Variants in CXCL13 observed in about 807,000 individuals in gnomAD.
The protein encoded by CXCL13 is C-X-C motif chemokine 13.
CXCL13 carries 7 observed loss-of-function variants against 12.2 expected under a neutral mutation model. The observed-to-expected ratio is 0.57, with a 90% CI of 0.33 to 1.07. The LOEUF (loss-of-function observed/expected upper bound fraction) is 1.07. Among genes scored for constraint, CXCL13 ranks in the 50% least tolerant of loss-of-function variants. The probability of loss-of-function intolerance (pLI) is 0.04; values close to 1 mark genes in which losing one functional copy is unlikely to be tolerated. For missense variants in CXCL13, 113 were observed against 127.4 expected (o/e 0.89, Z 0.55); for synonymous variants, 47 against 42.4 (o/e 1.11, Z -0.42).
intron 1 of CXCL13, among the ~76,000 whole-genome samples, chr4:77,597,924 T>C (rs1726800424): frequency 6.6e-6 from 1 of 152,322 alleles, no homozygotes; most frequent in South Asian, 2.1e-4. Context: ...AGAGAATCCC[T>C]GCCCTCTCAT....
chr4:77,532,458 T>C (rs1724951670), intron 1 of CXCL13, among the ~76,000 whole-genome samples: 1 of 152,204 alleles, frequency 6.6e-6, no homozygotes, highest in Admixed American at 6.5e-5. Context: ...ACCTGACCTT[T>C]CTCTCTGGCT....
intron 2 of CXCL13, among the ~76,000 whole-genome samples, chr4:77,608,473 T>C (rs1260735171): frequency 1.3e-5 from 2 of 151,864 alleles, no homozygotes; most frequent in African/African-American, 4.8e-5. Flanking sequence ...GAAAGTGCAT[T>C]AGCCAGGACT....
intron 1 of CXCL13, among the ~76,000 whole-genome samples, chr4:77,566,790 A>T (rs1034738987): frequency 1.3e-5 from 2 of 152,194 alleles, no homozygotes; most frequent in Non-Finnish European, 2.9e-5. Context: ...TCACTACAAA[A>T]CGTAACAACA....
chr4:77,534,999 C>T (rs1313048377), intron 1 of CXCL13, among the ~76,000 whole-genome samples: 2 of 152,158 alleles, frequency 1.3e-5, no homozygotes, highest in African/African-American at 4.8e-5. Context: ...GCTTTGCATG[C>T]TACAGCAAGA....
intron 1 of CXCL13, among the ~76,000 whole-genome samples, chr4:77,551,065 G>A (rs1334529773): frequency 1.3e-5 from 2 of 152,178 alleles, no homozygotes; most frequent in Non-Finnish European, 2.9e-5. Context: ...CTTGGGTCCT[G>A]TATTTTTATT....
chr4:77,598,811 C>A (rs1334264006), intron 1 of CXCL13, among the ~76,000 whole-genome samples: 1 of 150,212 alleles, frequency 6.7e-6, no homozygotes, highest in African/African-American at 2.5e-5. Context: ...CTAGCCCCAA[C>A]ACAATGATTT....
intron 1 of CXCL13, among the ~76,000 whole-genome samples, chr4:77,549,416 C>T (rs2109805972): frequency 1.3e-5 from 2 of 152,312 alleles, no homozygotes; most frequent in South Asian, 2.1e-4. Context: ...AGAAGAGGTG[C>T]TCTGGTTTTT....
At chr4:77,577,514 G>C (rs1264063937) in intron 1 of CXCL13, among the ~76,000 whole-genome samples, 1 of 152,142 alleles carries the variant, frequency 6.6e-6, no homozygotes, top group Non-Finnish European at 1.5e-5. Flanking sequence ...ATTAAGCCAA[G>C]CTTCCCATTT....
At chr4:77,552,860 A>T (rs1406808095) in intron 1 of CXCL13, among the ~76,000 whole-genome samples, 2 of 152,208 alleles carry the variant, frequency 1.3e-5, no homozygotes, top group Non-Finnish European at 2.9e-5. Context: ...TAATCTACGT[A>T]CAGGAAGCAT....
chr4:77,593,901 C>G (rs1343759079), intron 1 of CXCL13, among the ~76,000 whole-genome samples: 1 of 152,188 alleles, frequency 6.6e-6, no homozygotes, highest in African/African-American at 2.4e-5. Flanking sequence ...AGGGGTATTT[C>G]TAACAGCTAT....
In CXCL13 at chr4:77,605,837, C is replaced by A. The variant is rs1726989251; in HGVS notation, c.-29C>A. On this transcript the variant is annotated 5_prime_UTR_variant, in exon 1 of 4. Transcript: ENST00000682537. ...GCAAACCCACAGCCTGGACTCAGAG[C>A]TCAAGTCTGAACTCTACCTCCAGAC... is the stretch of plus-strand genomic sequence containing the variant. The A allele has an allele frequency of 1.3e-6, 2 of 1,531,872 alleles. No individual in the cohort carries two copies. Among genetic ancestry groups the A allele is most frequent in the Non-Finnish European group, 1.8e-6 (2 of 1,114,724 alleles). The allele number at this position is 1,531,872 out of a possible 1,614,324, so 94.9% of individuals were successfully genotyped here.
chr4:77,533,941 C>A (rs6856097), intron 1 of CXCL13, among the ~76,000 whole-genome samples: 5,794 of 152,280 alleles, frequency 0.038, 368 homozygotes, highest in African/African-American at 0.13. Context: ...TCACCCCTTT[C>A]TTTGATTAGG....
Position 77,531,252 on chromosome 4 carries a change from C to G in CXCL13, c.-43+19464C>G, listed in dbSNP as rs573213434. ...ACTCATCTTTTAGCATTAGGTATAT[C>G]TCCTAATGCTATCCCTCCCCCCTCC... On this transcript the variant is annotated intron_variant, in intron 1 of 4. Transcript: ENST00000286758. Among the ~76,000 whole-genome samples the G allele has an allele frequency of 2.1e-3, 304 of 148,234 alleles. 1 individual carries two copies. The highest frequency in any genetic ancestry group is 6.4e-3 in the African/African-American group (259 of 40,374).
At chr4:77,516,186 G>A (rs573475124) in intron 1 of CXCL13, among the ~76,000 whole-genome samples, 34 of 152,272 alleles carry the variant, frequency 2.2e-4, no homozygotes, top group African/African-American at 7.2e-4. Context: ...TAAGCTTTTT[G>A]ATGTGCTGCT....
chr4:77,546,573 T>G (rs1725370072), intron 1 of CXCL13, among the ~76,000 whole-genome samples: 1 of 152,332 alleles, frequency 6.6e-6, no homozygotes, highest in South Asian at 2.1e-4. Context: ...AGTTTGTATT[T>G]CTGTGGGATC....
At chr4:77,585,556 G>GT (rs1200998324) in intron 1 of CXCL13, among the ~76,000 whole-genome samples, 1 of 152,148 alleles carries the variant, frequency 6.6e-6, no homozygotes, top group Non-Finnish European at 1.5e-5. Context: ...GAAAGCTGCC[G>GT]TTAGCTCTGT....
intron 1 of CXCL13, among the ~76,000 whole-genome samples, chr4:77,522,840 C>T (rs1323952583): frequency 6.6e-6 from 1 of 152,066 alleles, no homozygotes; most frequent in Non-Finnish European, 1.5e-5. Context: ...TTTGCAGTGG[C>T]TTCTACCAGT....
chr4:77,609,450 C>A (rs1727093711), intron 2 of CXCL13, among the ~76,000 whole-genome samples: 1 of 151,734 alleles, frequency 6.6e-6, no homozygotes, highest in African/African-American at 2.4e-5. Context: ...GTAGCTGGGA[C>A]AACAGGTGCA....
At chr4:77,558,002 G>C (rs1392787132) in intron 1 of CXCL13, among the ~76,000 whole-genome samples, 5 of 152,148 alleles carry the variant, frequency 3.3e-5, no homozygotes, top group African/African-American at 1.2e-4. Flanking sequence ...CCATCTCTTT[G>C]TGTCCTTGCT....
Sources: allele counts gnomAD v4.1 joint callset (sites outside exome capture counted in the v4.1 genomes callset), GRCh38; gene constraint gnomAD v4.1.1; transcripts MANE v1.5; gene names NCBI Gene and HGNC (gene_info 2026-07-23, HGNC 2026-07-21).